PPARGC1A: variants seen among roughly 807,000 people sequenced by gnomAD.
The protein encoded by PPARGC1A is PPARG coactivator 1 alpha.
A neutral mutation model predicts 88.7 loss-of-function variants in PPARGC1A; 25 were observed. The observed-to-expected ratio is 0.28, with a 90% confidence interval of 0.21 to 0.39. The LOEUF (loss-of-function observed/expected upper bound fraction) is 0.39. Among genes scored for constraint, PPARGC1A ranks in the 10% least tolerant of loss-of-function variants. The pLI is 1.00. For missense variants in PPARGC1A, 880 were observed against 968.7 expected (o/e 0.91, Z 1.22); for synonymous variants, 363 against 355.6 (o/e 1.02, Z -0.24).
chr4:24,345,572 T>C, the PPARGC1A span, among the ~76,000 whole-genome samples: 8 of 152,180 alleles, frequency 5.3e-5, no homozygotes, highest in Non-Finnish European at 1.2e-4. Flanking sequence ...CTTGATTTCA[T>C]TCTCTGCTTG....
chr4:24,431,372 A>G, the PPARGC1A span, among the ~76,000 whole-genome samples: 1 of 152,210 alleles, frequency 6.6e-6, no homozygotes, highest in Non-Finnish European at 1.5e-5. Context: ...TATGAGATGT[A>G]TACAGGAAAC....
chr4:24,081,622 T>A, the PPARGC1A span, among the ~76,000 whole-genome samples: 3 of 152,126 alleles, frequency 2.0e-5, no homozygotes, highest in African/African-American at 7.2e-5. Flanking sequence ...TCCTTAAAAA[T>A]CATTACATAA....
At chr4:23,850,765 G>A (rs945615471) in intron 2 of PPARGC1A, among the ~76,000 whole-genome samples, 7 of 152,054 alleles carry the variant, frequency 4.6e-5, no homozygotes, top group Admixed American at 1.3e-4. Flanking sequence ...ACCTTTTTAC[G>A]TATGAGAAAA....
chr4:24,352,973 G>A, the PPARGC1A span, among the ~76,000 whole-genome samples: 1 of 152,220 alleles, frequency 6.6e-6, no homozygotes, highest in African/African-American at 2.4e-5. Context: ...TCTCTCTCCC[G>A]TGGCATGGGA....
chr4:24,180,909 T>C, the PPARGC1A span, among the ~76,000 whole-genome samples: 1 of 152,198 alleles, frequency 6.6e-6, no homozygotes, highest in Non-Finnish European at 1.5e-5. Context: ...AGTAGGAACA[T>C]TTAAAGCCAT....
intron 1 of PPARGC1A, chr4:23,899,209 AC>A (rs1316299951): frequency 6.6e-6 from 1 of 152,186 alleles, no homozygotes; most frequent in African/African-American, 2.4e-5. Context: ...CCACCTAAAA[AC>A]AGGCCACACC....
the PPARGC1A span, among the ~76,000 whole-genome samples, chr4:24,009,486 A>G: frequency 6.6e-6 from 1 of 152,242 alleles, no homozygotes; most frequent in East Asian, 1.9e-4. Flanking sequence ...TAAAGAGTCA[A>G]TCAGCCCATT....
the PPARGC1A span, among the ~76,000 whole-genome samples, chr4:24,158,172 G>A: frequency 6.6e-6 from 1 of 151,672 alleles, no homozygotes; most frequent in Non-Finnish European, 1.5e-5. Flanking sequence ...CCTCTGACCA[G>A]AATATTCTCC....
chr4:24,152,444 T>C, the PPARGC1A span, among the ~76,000 whole-genome samples: 1 of 152,160 alleles, frequency 6.6e-6, no homozygotes, highest in South Asian at 2.1e-4. Flanking sequence ...CAATTCAAAG[T>C]ATACCCCCAT....
At chr4:24,434,345 C>G in the PPARGC1A span, among the ~76,000 whole-genome samples, 2 of 152,180 alleles carry the variant, frequency 1.3e-5, no homozygotes, top group African/African-American at 4.8e-5. Flanking sequence ...TGAGCTGATG[C>G]AGCATGCCAC....
intron 2 of PPARGC1A, 123 bp downstream of exon 2, chr4:23,884,629 G>T: frequency 1.3e-6 from 1 of 752,398 alleles, no homozygotes; most frequent in Non-Finnish European, 2.0e-6. Flanking sequence ...GTATGTAACT[G>T]TGATGAAAAG....
chr4:24,147,947 A>C, the PPARGC1A span, among the ~76,000 whole-genome samples: 1 of 151,452 alleles, frequency 6.6e-6, no homozygotes, highest in Non-Finnish European at 1.5e-5. Context: ...CCATCTAAAA[A>C]CAAACAAACA....
At chr4:23,839,642 C>T (rs1214934853) in intron 2 of PPARGC1A, among the ~76,000 whole-genome samples, 1 of 152,114 alleles carries the variant, frequency 6.6e-6, no homozygotes, top group Non-Finnish European at 1.5e-5. Flanking sequence ...TGCTATCAGT[C>T]TGTTTTCACG....
chr4:24,465,222 TG>T, the PPARGC1A span, among the ~76,000 whole-genome samples: 2 of 152,020 alleles, frequency 1.3e-5, no homozygotes, highest in Admixed American at 1.3e-4. Context: ...ACAAAAAGGG[TG>T]GGGGTGGATC....
chr4:24,115,255 A>G, the PPARGC1A span, among the ~76,000 whole-genome samples: 3 of 152,254 alleles, frequency 2.0e-5, no homozygotes, highest in African/African-American at 7.2e-5. Flanking sequence ...AAATGAATTC[A>G]GTAATTTAAT....
At chr4:24,395,802 C>A in the PPARGC1A span, among the ~76,000 whole-genome samples, 1 of 152,210 alleles carries the variant, frequency 6.6e-6, no homozygotes, top group African/African-American at 2.4e-5. Context: ...TCCAATGTCA[C>A]ACCATTGTAA....
chr4:24,258,279 A>C, the PPARGC1A span: 2 of 877,758 alleles, frequency 2.3e-6, no homozygotes, highest in Non-Finnish European at 2.7e-6. Context: ...TGAAAGGCAG[A>C]GGGTAAGTTT....
In PPARGC1A at chr4:23,829,204, A is replaced by C. The variant is rs865786857; in HGVS notation, c.552+259T>G. On this transcript the variant is annotated intron_variant, in intron 4 of 12. Coordinates refer to ENST00000264867, the MANE Select transcript of PPARGC1A (RefSeq NM_013261.5). ...ATTTTACCGTGGCCCACAATGCTGCAGGTAACAATAAAGTGGGCAAGAACT... is the reference window on the plus strand; with the variant it reads ...ATTTTACCGTGGCCCACAATGCTGCCGGTAACAATAAAGTGGGCAAGAACT... 3.5e-4 allele frequency among the ~76,000 whole-genome samples: 54 copies of C among 152,226 alleles called. 1 individual carries two copies. The highest frequency in any genetic ancestry group is 1.0e-4 in the Non-Finnish European group (7 of 68,040).
chr4:24,267,471 T>C, the PPARGC1A span, among the ~76,000 whole-genome samples: 1 of 152,202 alleles, frequency 6.6e-6, no homozygotes, highest in African/African-American at 2.4e-5. Flanking sequence ...TTCATTTTTA[T>C]ATCAACAAGC....
Sources: gnomAD v4.1 joint callset for allele counts (sites outside exome capture counted in the v4.1 genomes callset) on GRCh38, gnomAD v4.1.1 for gene constraint, MANE v1.5 for transcripts, NCBI Gene and HGNC (gene_info 2026-07-23, HGNC 2026-07-21) for gene names.